Variants in ARAP3 observed in about 807,000 individuals in gnomAD.
ARAP3 encodes the protein ArfGAP with RhoGAP domain, ankyrin repeat and PH domain 3.
Under a neutral mutation model 169.2 loss-of-function variants are expected in ARAP3, and 82 were observed. That is an observed-to-expected ratio of 0.48 (90% CI 0.41 to 0.58). The LOEUF (loss-of-function observed/expected upper bound fraction) is 0.58, where lower values mean the gene tolerates loss of function less well. Among genes scored for constraint, ARAP3 ranks in the 20% least tolerant of loss-of-function variants. The probability of loss-of-function intolerance (pLI) is 0.00; values close to 1 mark genes in which losing one functional copy is unlikely to be tolerated. For missense variants in ARAP3, 1,764 were observed against 2,018.0 expected (o/e 0.87, Z 2.41); for synonymous variants, 791 against 800.3 (o/e 0.99, Z 0.20).
At position 141,682,205 on chromosome 5, in the gene ARAP3, C is replaced by A. The variant is rs1038100491; in HGVS notation, c.-50G>T. The stretch of plus-strand genomic sequence containing the variant: ...CGCGGCCGCCGTCCGCTCGCGGGTG[C>A]CCGCCGCTCGTCCGAGGTTCTGGGT... On this transcript the variant is annotated 5_prime_UTR_variant, in exon 1 of 33. Coordinates refer to ENST00000239440, the MANE Select transcript of ARAP3 (RefSeq NM_022481.6). 1.3e-5 allele frequency: 2 copies of A among 152,432 alleles called. No individual in the cohort carries two copies. The highest frequency in any genetic ancestry group is 1.3e-4 in the Admixed American group (2 of 15,296). The allele number at this position is 152,432 out of a possible 1,614,324, so 9.4% of individuals were successfully genotyped here. A position where few individuals can be genotyped will look rare whatever the true frequency, so the allele number is the denominator to read the frequency against.
At chr5:141,664,489 C>T (rs1596481894) in intron 19 of ARAP3, among the ~76,000 whole-genome samples, 1 of 152,204 alleles carries the variant, frequency 6.6e-6, no homozygotes, top group African/African-American at 2.4e-5. Context: ...CAGAATAATT[C>T]TGCTTAAAAC....
chr5:141,670,375 A>AC, intron 14 of ARAP3, 137 bp downstream of exon 14: 2 of 959,668 alleles, frequency 2.1e-6, no homozygotes, highest in Non-Finnish European at 3.2e-6. Context: ...TCCCTCTCTC[A>AC]CCCCCAGGAC....
At chr5:141,656,154 A>G (rs1458417702) in intron 28 of ARAP3, 40 bp downstream of exon 28, 2 of 1,614,120 alleles carry the variant, frequency 1.2e-6, no homozygotes, top group Non-Finnish European at 1.7e-6. Context: ...GGGTGAAGGC[A>G]GGAAGGCCCT....
In ARAP3 at chr5:141,656,197, G is replaced by A. The variant is rs760487784; in HGVS notation, c.3869C>T (p.Thr1290Ile). 1 of 1,614,174 alleles carries A rather than the reference G, an allele frequency of 6.2e-7. No individual in the cohort carries two copies. Among genetic ancestry groups the A allele is most frequent in the Non-Finnish European group, 8.5e-7 (1 of 1,180,030 alleles). ...CGGGCTGGGGAAGAAAACTCACGGTGTTGGGGGCTTTAACTTCTTGCGGAT... is the reference window on the plus strand; with the variant it reads ...CGGGCTGGGGAAGAAAACTCACGGTATTGGGGGCTTTAACTTCTTGCGGAT... ...LGIRKKLKPP[T>I]PWGFTLILEK... is the part of the protein sequence containing the mutation. The change falls in exon 28 of 33, where the codon ACA becomes ATA. Residue 1290 changes from threonine (T) to isoleucine (I), a missense_variant. Thr to Ile is a moderately conservative substitution (Grantham distance 89, BLOSUM62 -1). Transcript: ENST00000239440.
chr5:141,654,311 A>G lies in ARAP3; in HGVS notation c.4274T>C (p.Phe1425Ser), dbSNP rs1332440478. The G allele has an allele frequency of 1.9e-6, 3 of 1,613,424 alleles. No individual in the cohort carries two copies. Among genetic ancestry groups the G allele is most frequent in the Non-Finnish European group, 2.5e-6 (3 of 1,179,978 alleles). ...PELIQDTSTS[F>S]STTREWTVKP... ...CACTGTCCACTCCCGTGTGGTGGAG[A>G]AGGAGGTAGAAGTGTCCTGGATCAA... The change falls in exon 33 of 33, where the codon TTC becomes TCC. Residue 1425 changes from phenylalanine to serine, a missense_variant. Physicochemically the swap from Phe to Ser is radical, Grantham distance 155. Coordinates refer to ENST00000239440, the MANE Select transcript of ARAP3 (RefSeq NM_022481.6).
chr5:141,661,792 G>A lies in ARAP3; in HGVS notation c.3014-3C>T, dbSNP rs368458391. 3.8e-5 allele frequency: 61 copies of A among 1,614,050 alleles called. No individual in the cohort carries two copies. The African/African-American group carries it at 6.8e-4, about 18-fold the overall frequency. ...GCGCTGATTCTTCTGGGGCAGCTCT[G>A]GGGATGGAATGGAGGAGGGTTGGGG... On this transcript the variant is annotated splice_polypyrimidine_tract_variant and splice_region_variant and intron_variant, in intron 20 of 32. Transcript: ENST00000239440.
chr5:141,673,927 C>A, intron 4 of ARAP3, 119 bp from the exon 5 acceptor site: 13 of 688,536 alleles, frequency 1.9e-5, no homozygotes, highest in Non-Finnish European at 2.7e-5. Context: ...GGTACTGGAT[C>A]TGATTTTCTT....
In ARAP3 at chr5:141,655,766, G is replaced by A. The variant is rs972211833; in HGVS notation, c.3973-8C>T. ...TGGCTGCTGGTCATCGTGCTGGTGG[G>A]AGCGTGAGGGGTTGGCATCAGTGGG... is the stretch of plus-strand genomic sequence containing the variant. On this transcript the variant is annotated splice_polypyrimidine_tract_variant and splice_region_variant and intron_variant, in intron 30 of 32. Transcript: ENST00000239440. 1 of 1,614,078 alleles carries A rather than the reference G, an allele frequency of 6.2e-7. No individual in the cohort carries two copies. The highest frequency in any genetic ancestry group is 1.3e-5 in the African/African-American group (1 of 74,936).
Position 141,671,463 on chromosome 5 carries a change from G to C in ARAP3, c.1855-63C>G. The C allele has an allele frequency of 1.3e-6, 2 of 1,598,038 alleles. No individual in the cohort carries two copies. The highest frequency in any genetic ancestry group is 1.7e-6 in the Non-Finnish European group (2 of 1,172,242). ...CAAACTGAGAGCACTGGGGACAGTC[G>C]TATCATCACTAAAAACAGTCCCCAC... On this transcript the variant is annotated intron_variant, in intron 12 of 32. Transcript: ENST00000239440. The surrounding 1 kb of genome is among the most constrained non-coding windows in gnomAD (Gnocchi z 4.9).
At position 141,655,623 on chromosome 5, in the gene ARAP3, G is replaced by A; in HGVS notation, c.4108C>T (p.Leu1370=). Reference sequence around the variant, plus strand: ...TGGGGCAGGGTGGGGTGCCTTACCAGGGTCTGATTGGCAGAGAGGAGGGTG... The same window carrying A: ...TGGGGCAGGGTGGGGTGCCTTACCAAGGTCTGATTGGCAGAGAGGAGGGTG... The part of the protein sequence containing the change: ...GATLLSANQT[L]RRLHNRRTLS... The change falls in exon 31 of 33, where the codon CTG becomes TTG. Residue 1370 remains leucine (L), a splice_region_variant and synonymous_variant. Coordinates refer to ENST00000239440, the MANE Select transcript of ARAP3 (RefSeq NM_022481.6). 6.2e-7 allele frequency: 1 copy of A among 1,614,036 alleles called. No homozygotes were observed. The highest frequency in any genetic ancestry group is 8.5e-7 in the Non-Finnish European group (1 of 1,179,948).
Position 141,653,415 on chromosome 5 carries a change from A to G in ARAP3, c.*535T>C, listed in dbSNP as rs956030142. The G allele has an allele frequency of 6.5e-6, 1 of 152,702 alleles. No individual in the cohort carries two copies. Among genetic ancestry groups the G allele is most frequent in the Non-Finnish European group, 1.5e-5 (1 of 68,100 alleles). 9.5% of individuals were successfully genotyped at this position (152,702 alleles called of 1,614,324 possible). A position where few individuals can be genotyped will look rare whatever the true frequency, so the allele number is the denominator to read the frequency against. ...TGAGAATGGTAGTCTTTTGGTTCCCAGGTTTATTGACAATTACTCATCTAT... is the reference window on the plus strand; with the variant it reads ...TGAGAATGGTAGTCTTTTGGTTCCCGGGTTTATTGACAATTACTCATCTAT... On this transcript the variant is annotated 3_prime_UTR_variant, in exon 33 of 33. Coordinates refer to ENST00000239440, the MANE Select transcript of ARAP3 (RefSeq NM_022481.6).
intron 16 of ARAP3, among the ~76,000 whole-genome samples, chr5:141,668,489 T>C (rs2099910984): frequency 6.6e-6 from 1 of 152,248 alleles, no homozygotes; most frequent in Non-Finnish European, 1.5e-5. Context: ...TCTGTGCTTA[T>C]CCTGTCATGG....
intron 19 of ARAP3, among the ~76,000 whole-genome samples, chr5:141,663,230 C>T (rs1483477390): frequency 2.6e-5 from 4 of 152,196 alleles, no homozygotes; most frequent in Non-Finnish European, 5.9e-5. Flanking sequence ...ACGGTAGCAG[C>T]TCAACCAATG....
intron 5 of ARAP3, 46 bp downstream of exon 5, chr5:141,673,559 C>A: frequency 6.2e-7 from 1 of 1,612,384 alleles, no homozygotes; most frequent in Non-Finnish European, 8.5e-7. Flanking sequence ...CGCGCAACCA[C>A]CTCCCAGCCT....
rs1458041095 is a variant in ARAP3 at position 141,656,637 on chromosome 5, C to A, written c.3656G>T (p.Gly1219Val). The change falls in exon 27 of 33, where the codon GGT becomes GTT. Residue 1219 changes from glycine to valine, a missense_variant and splice_region_variant. By Grantham distance (109) the Gly-to-Val change is moderately radical. This residue lies in a region of ARAP3 where 1,112 missense variants were observed against 1,285.7 expected (regional missense o/e 0.86). Transcript: ENST00000239440. ...PLAQAGCLFT[G>V]IRRESPRVGL... Reference sequence around the variant, plus strand: ...CACCCGTGGGCTCTCACGTCGGATACCTGGGCATAGATGGGCAATCCTGGG... The same window carrying A: ...CACCCGTGGGCTCTCACGTCGGATAACTGGGCATAGATGGGCAATCCTGGG... The A allele has an allele frequency of 6.2e-7, 1 of 1,613,596 alleles. No individual in the cohort carries two copies. Among genetic ancestry groups the A allele is most frequent in the East Asian group, 2.2e-5 (1 of 44,872 alleles).
chr5:141,660,620 A>G (rs1044855719), intron 21 of ARAP3, among the ~76,000 whole-genome samples: 49 of 152,098 alleles, frequency 3.2e-4, no homozygotes, highest in African/African-American at 1.1e-3. Flanking sequence ...ACCAATCCCT[A>G]TAATATAGTA....
chr5:141,664,243 G>T (rs1427473747), intron 19 of ARAP3, among the ~76,000 whole-genome samples: 2 of 152,094 alleles, frequency 1.3e-5, no homozygotes, highest in African/African-American at 4.8e-5. Context: ...AATTATCCAG[G>T]TGTGGTGGGG....
intron 4 of ARAP3, among the ~76,000 whole-genome samples, chr5:141,679,078 C>G (rs2099912612): frequency 6.6e-6 from 1 of 152,104 alleles, no homozygotes; most frequent in Non-Finnish European, 1.5e-5. Flanking sequence ...CACCTGAGGT[C>G]AGGAGTTCGA....
At position 141,672,686 on chromosome 5, in the gene ARAP3, G is replaced by C. The variant is rs1409123581; in HGVS notation, c.1279-28C>G. The C allele has an allele frequency of 1.9e-6, 3 of 1,613,796 alleles. No individual in the cohort carries two copies. In the African/African-American group the frequency reaches 4.0e-5, roughly 22 times the overall value. On this transcript the variant is annotated intron_variant, in intron 8 of 32. Transcript: ENST00000239440. The surrounding 1 kb of genome is among the most constrained non-coding windows in gnomAD (Gnocchi z 4.9). Reference sequence around the variant, plus strand: ...GGTGGGGTCAGGGGGTGGGCATCATGAGGTGCCAGAAGGGACTAGTTCAGG... The same window carrying C: ...GGTGGGGTCAGGGGGTGGGCATCATCAGGTGCCAGAAGGGACTAGTTCAGG...
Sources: gnomAD v4.1 joint callset for allele counts (sites outside exome capture counted in the v4.1 genomes callset) on GRCh38, gnomAD v4.1.1 for gene constraint, gnomAD v4.1.1 regional missense constraint, Gnocchi (gnomAD v3.1) non-coding constraint, MANE v1.5 for transcripts, NCBI Gene and HGNC (gene_info 2026-07-23, HGNC 2026-07-21) for gene names.